SLC8A1: variants seen among roughly 807,000 people sequenced by gnomAD.
SLC8A1 encodes sodium/calcium exchanger 1.
A neutral mutation model predicts 68.3 loss-of-function variants in SLC8A1; 18 were observed. The observed-to-expected ratio is 0.26, with a 90% CI of 0.18 to 0.39. SLC8A1 has a LOEUF of 0.39. Ranked by LOEUF, SLC8A1 falls within the 10% of genes least tolerant of loss-of-function variation. SLC8A1 has a pLI of 1.00. For synonymous variants in SLC8A1, 475 were observed against 415.5 expected, an observed-to-expected ratio of 1.14 and a Z score of -1.74; for missense variants, 985 against 1,156.7, an observed-to-expected ratio of 0.85 and a Z score of 2.15.
At chr2:40,239,849 C>G (rs1004430250) in intron 2 of SLC8A1, among the ~76,000 whole-genome samples, 1 of 152,166 alleles carries the variant, frequency 6.6e-6, no homozygotes, top group Non-Finnish European at 1.5e-5. Context: ...GTGTATGTAT[C>G]TCCTCACTAA....
At chr2:40,507,778 T>C (rs1706461887) in intron 1 of SLC8A1, among the ~76,000 whole-genome samples, 1 of 152,080 alleles carries the variant, frequency 6.6e-6, no homozygotes, top group Non-Finnish European at 1.5e-5. Flanking sequence ...TACCTGTAAT[T>C]TGCTTAGAAG....
At chr2:40,212,066 G>A (rs2056677237) in intron 2 of SLC8A1, among the ~76,000 whole-genome samples, 1 of 151,986 alleles carries the variant, frequency 6.6e-6, no homozygotes, top group Non-Finnish European at 1.5e-5. Context: ...CACTGTATTT[G>A]TCTTGGTTTG....
At chr2:40,346,540 C>G (rs957185521) in intron 2 of SLC8A1, among the ~76,000 whole-genome samples, 3 of 152,096 alleles carry the variant, frequency 2.0e-5, no homozygotes, top group Non-Finnish European at 4.4e-5. Flanking sequence ...TTTTGACCCT[C>G]TCTGGGAAGA....
chr2:40,234,745 A>G (rs1381444651), intron 2 of SLC8A1, among the ~76,000 whole-genome samples: 2 of 152,188 alleles, frequency 1.3e-5, no homozygotes, highest in South Asian at 2.1e-4. Flanking sequence ...TTTGTCATAG[A>G]TAGCTCTTAT....
intron 2 of SLC8A1, among the ~76,000 whole-genome samples, chr2:40,413,300 C>G (rs892005471): frequency 1.8e-4 from 28 of 152,082 alleles, no homozygotes; most frequent in Non-Finnish European, 3.5e-4. Flanking sequence ...GACACATGCA[C>G]ACATATGTTT....
At chr2:40,484,461 C>T (rs1704827247) in intron 1 of SLC8A1, among the ~76,000 whole-genome samples, 2 of 152,196 alleles carry the variant, frequency 1.3e-5, no homozygotes, top group Non-Finnish European at 2.9e-5. Flanking sequence ...TTTCTCGTAT[C>T]TTTACAATAG....
At chr2:40,175,091 A>C (rs1324793628) in intron 3 of SLC8A1, among the ~76,000 whole-genome samples, 170 bp downstream of exon 4, 3 of 152,184 alleles carry the variant, frequency 2.0e-5, no homozygotes, top group Non-Finnish European at 4.4e-5. Flanking sequence ...TACTAAATTA[A>C]AAATGCAATA....
chr2:40,258,910 T>C (rs2064311196), intron 2 of SLC8A1, among the ~76,000 whole-genome samples: 1 of 150,234 alleles, frequency 6.7e-6, no homozygotes, highest in Non-Finnish European at 1.5e-5. Context: ...CCAATGGTTG[T>C]AATTGAACCA....
intron 2 of SLC8A1, among the ~76,000 whole-genome samples, chr2:40,415,963 G>A (rs1559590845): frequency 6.6e-6 from 1 of 150,480 alleles, no homozygotes; most frequent in Non-Finnish European, 1.5e-5. Context: ...TTAGGAGGCT[G>A]AGGCAGGAGA....
chr2:40,360,711 A>AT (rs1161170489), intron 2 of SLC8A1, among the ~76,000 whole-genome samples: 1 of 152,136 alleles, frequency 6.6e-6, no homozygotes, highest in Non-Finnish European at 1.5e-5. Context: ...AAGGAACCTA[A>AT]TTTTAGAATC....
At position 40,170,352 on chromosome 2, in the gene SLC8A1, A is replaced by T; in HGVS notation, c.1930+4473T>A. ...AACCTTCCTGAAGACAGGTTGGCCT[A>T]GCAAAAGGACAGGCAGAAAAATCAG... On this transcript the variant is annotated intron_variant, in intron 4 of 7. Coordinates refer to ENST00000406785, the Ensembl canonical transcript of SLC8A1. The T allele has an allele frequency of 6.2e-7, 1 of 1,613,952 alleles. No individual in the cohort carries two copies. Among genetic ancestry groups the T allele is most frequent in the Non-Finnish European group, 8.5e-7 (1 of 1,179,812 alleles).
intron 2 of SLC8A1, among the ~76,000 whole-genome samples, chr2:40,305,748 G>T (rs542498974): frequency 1.3e-5 from 2 of 152,162 alleles, no homozygotes; most frequent in Non-Finnish European, 2.9e-5. Context: ...GGACATGTTT[G>T]CCAAGTGTAT....
chr2:40,100,885 C>A (rs2033852835), exon 8 of SLC8A1: 2 of 152,134 alleles, frequency 1.3e-5, no homozygotes, highest in African/African-American at 4.8e-5. Context: ...AGTTTGGTTT[C>A]TCCTAAGGGA....
intron 2 of SLC8A1, among the ~76,000 whole-genome samples, chr2:40,336,749 T>A (rs1263624814): frequency 2.0e-5 from 3 of 152,188 alleles, no homozygotes. Context: ...TTAATATTTT[T>A]ATTCATGTTT....
intron 2 of SLC8A1, chr2:40,213,045 G>C (rs920828154): frequency 6.6e-6 from 1 of 152,140 alleles, no homozygotes. Context: ...CAGAATTTAA[G>C]GTACTATGCC....
intron 1 of SLC8A1, among the ~76,000 whole-genome samples, chr2:40,442,456 C>G (rs569443917): frequency 2.0e-5 from 3 of 148,298 alleles, no homozygotes; most frequent in Admixed American, 2.0e-4. Context: ...TATGAACAGA[C>G]GCTTATCAAA....
chr2:40,202,182 G>C (rs2054507271), intron 2 of SLC8A1, among the ~76,000 whole-genome samples: 1 of 151,874 alleles, frequency 6.6e-6, no homozygotes, highest in Non-Finnish European at 1.5e-5. Flanking sequence ...AAGAAGAGTA[G>C]GTCAAAATGT....
chr2:40,365,125 G>A (rs1003899642), intron 2 of SLC8A1, among the ~76,000 whole-genome samples: 2 of 151,658 alleles, frequency 1.3e-5, no homozygotes, highest in Non-Finnish European at 2.9e-5. Context: ...ACCATTTTTA[G>A]AGTGTATATA....
Position 40,460,657 on chromosome 2 carries a change from G to C in SLC8A1, c.-24-30353C>G, listed in dbSNP as rs1260568052. Among the ~76,000 whole-genome samples, 3 of 150,602 alleles carry C rather than the reference G, an allele frequency of 2.0e-5. No homozygotes were observed. In the Admixed American group the frequency reaches 2.0e-4, roughly 10 times the overall value. The stretch of plus-strand genomic sequence containing the variant: ...TGCAGTGGCATGATCTGCAACCTCC[G>C]CCTCCTGGGTTCAAGTGATTCTCCT... On this transcript the variant is annotated intron_variant, in intron 1 of 7. Transcript: ENST00000402441.
Sources: gnomAD v4.1 joint callset for allele counts (sites outside exome capture counted in the v4.1 genomes callset) on GRCh38, gnomAD v4.1.1 for gene constraint, MANE v1.5 for transcripts, NCBI Gene and HGNC (gene_info 2026-07-23, HGNC 2026-07-21) for gene names.